MB21D2: variants seen among roughly 807,000 people sequenced by gnomAD.
MB21D2 encodes the protein Mab-21 domain containing 2.
A neutral mutation model predicts 33.3 loss-of-function variants in MB21D2; 9 were observed. The observed-to-expected ratio is 0.27, with a 90% CI of 0.16 to 0.47. The LOEUF (loss-of-function observed/expected upper bound fraction) is 0.47. MB21D2 is among the 20% of genes least tolerant of loss of function. The probability of loss-of-function intolerance (pLI) is 0.99; values close to 1 mark genes in which losing one functional copy is unlikely to be tolerated. For missense variants in MB21D2, 540 were observed against 624.6 expected, an observed-to-expected ratio of 0.86 and a Z score of 1.44; for synonymous variants, 241 against 236.3, an observed-to-expected ratio of 1.02 and a Z score of -0.18.
At chr3:192,863,111 T>C (rs1045002260) in intron 1 of MB21D2, among the ~76,000 whole-genome samples, 6 of 152,210 alleles carry the variant, frequency 3.9e-5, no homozygotes, top group African/African-American at 7.2e-5. Context: ...TTCCAAACCA[T>C]AGCAATCATT....
intron 1 of MB21D2, among the ~76,000 whole-genome samples, chr3:192,882,148 G>A (rs189427461): frequency 1.1e-4 from 17 of 151,940 alleles, no homozygotes; most frequent in African/African-American, 3.9e-4. Context: ...TTTTTTAGAC[G>A]GAGTTTCACT....
intron 1 of MB21D2, among the ~76,000 whole-genome samples, chr3:192,913,359 C>T (rs1178366336): frequency 6.6e-6 from 1 of 152,186 alleles, no homozygotes; most frequent in African/African-American, 2.4e-5. Flanking sequence ...GACTGTACCA[C>T]TGCACTCTAG....
In MB21D2 at chr3:192,897,370, G is replaced by A. The variant is rs558234385; in HGVS notation, c.211+20260C>T. ...CTGCTCACAAGCCTCTGTGGAGACTGACAGGAGGCCCCACTAACCAAGGGT... is the reference window on the plus strand; with the variant it reads ...CTGCTCACAAGCCTCTGTGGAGACTAACAGGAGGCCCCACTAACCAAGGGT... On this transcript the variant is annotated intron_variant, in intron 1 of 1. Coordinates refer to ENST00000392452, the MANE Select transcript of MB21D2 (RefSeq NM_178496.4). Among the ~76,000 whole-genome samples the A allele has an allele frequency of 2.0e-5, 3 of 152,294 alleles. No homozygotes were observed. In the East Asian group the frequency reaches 5.8e-4, roughly 29 times the overall value.
intron 1 of MB21D2, among the ~76,000 whole-genome samples, chr3:192,899,168 G>A (rs141493935): frequency 5.1e-4 from 78 of 152,332 alleles, no homozygotes; most frequent in African/African-American, 1.8e-3. Flanking sequence ...AACGGAAGTG[G>A]TTATAGGAGA....
chr3:192,811,130 T>C (rs1023126251), intron 1 of MB21D2, among the ~76,000 whole-genome samples: 1 of 152,234 alleles, frequency 6.6e-6, no homozygotes, highest in African/African-American at 2.4e-5. Context: ...TGTCAACCAC[T>C]GGGGCAGAAT....
chr3:192,895,171 C>A (rs1254925498), intron 1 of MB21D2, among the ~76,000 whole-genome samples: 3 of 152,246 alleles, frequency 2.0e-5, no homozygotes, highest in Admixed American at 1.3e-4. Flanking sequence ...TTTCTTAATA[C>A]CATTCCTTCT....
At chr3:192,895,276 A>G (rs1045537760) in intron 1 of MB21D2, among the ~76,000 whole-genome samples, 1 of 152,176 alleles carries the variant, frequency 6.6e-6, no homozygotes, top group African/African-American at 2.4e-5. Flanking sequence ...TAAATCTCAC[A>G]TGCAGACTTT....
intron 1 of MB21D2, among the ~76,000 whole-genome samples, chr3:192,823,472 G>A (rs1026516238): frequency 5.9e-5 from 9 of 152,160 alleles, no homozygotes; most frequent in East Asian, 3.9e-4. Context: ...TGACCAACAC[G>A]GAGAAACCCC....
chr3:192,870,735 G>GGAAT, intron 1 of MB21D2, among the ~76,000 whole-genome samples: 1 of 133,478 alleles, frequency 7.5e-6, no homozygotes, highest in African/African-American at 3.0e-5. Flanking sequence ...GAGAGAAGAA[G>GGAAT]GAAGGAAGGA....
rs1712745317 is a variant in MB21D2, at chr3:192,849,381, G to A, written c.212-49731C>T. On this transcript the variant is annotated intron_variant, in intron 1 of 1. Transcript: ENST00000392452. Reference sequence around the variant, plus strand: ...TGCCCAGGCTGGCGTGCAGTGGCGCGATCTCGGCTCACTGCAACCTCCGCC... The same window carrying A: ...TGCCCAGGCTGGCGTGCAGTGGCGCAATCTCGGCTCACTGCAACCTCCGCC... Among the ~76,000 whole-genome samples, 3 of 151,342 alleles carry A rather than the reference G, an allele frequency of 2.0e-5. No homozygotes were observed. The East Asian group carries it at 5.9e-4, about 30-fold the overall frequency.
At chr3:192,905,478 A>G (rs1338824805) in intron 1 of MB21D2, among the ~76,000 whole-genome samples, 3 of 151,792 alleles carry the variant, frequency 2.0e-5, no homozygotes, top group Admixed American at 6.6e-5. Flanking sequence ...CTATACTAAA[A>G]ATACAATAAT....
chr3:192,908,323 G>A (rs1714255393), intron 1 of MB21D2, among the ~76,000 whole-genome samples: 2 of 151,946 alleles, frequency 1.3e-5, no homozygotes, highest in Non-Finnish European at 2.9e-5. Flanking sequence ...ATTCTTTAAA[G>A]CATGGGAAAG....
intron 1 of MB21D2, among the ~76,000 whole-genome samples, chr3:192,837,361 T>C (rs965370044): frequency 1.3e-5 from 2 of 152,136 alleles, no homozygotes; most frequent in Non-Finnish European, 2.9e-5. Context: ...CACTGGAACA[T>C]GTCTCCGTCT....
chr3:192,807,283 T>C (rs1010096567), intron 1 of MB21D2, among the ~76,000 whole-genome samples: 17 of 149,260 alleles, frequency 1.1e-4, no homozygotes, highest in Admixed American at 8.0e-4. Flanking sequence ...AGTTACAGAC[T>C]GACAATTTAC....
intron 1 of MB21D2, among the ~76,000 whole-genome samples, chr3:192,857,864 C>G (rs1286375354): frequency 1.3e-5 from 2 of 152,158 alleles, no homozygotes. Context: ...GTGGCTCACA[C>G]CTGTAATCCC....
At chr3:192,871,497 G>A (rs1560245519) in intron 1 of MB21D2, among the ~76,000 whole-genome samples, 1 of 152,176 alleles carries the variant, frequency 6.6e-6, no homozygotes. Flanking sequence ...GTTCTATAAA[G>A]AAGAGCTGAT....
chr3:192,861,528 C>T (rs2108633964), intron 1 of MB21D2, among the ~76,000 whole-genome samples: 1 of 152,274 alleles, frequency 6.6e-6, no homozygotes, highest in East Asian at 1.9e-4. Flanking sequence ...CATTTCGGGC[C>T]AGGTGCGGTG....
At chr3:192,909,200 G>A (rs1055452922) in intron 1 of MB21D2, among the ~76,000 whole-genome samples, 2 of 151,232 alleles carry the variant, frequency 1.3e-5, no homozygotes, top group African/African-American at 4.9e-5. Context: ...AGCTTGCAGT[G>A]AGCCGAGATC....
intron 1 of MB21D2, among the ~76,000 whole-genome samples, chr3:192,816,216 T>A (rs1711919734): frequency 8.8e-6 from 1 of 113,478 alleles, no homozygotes; most frequent in African/African-American, 4.4e-5. Flanking sequence ...AGGACAATTT[T>A]TTTTTTTAAA....
Sources: allele counts gnomAD v4.1 joint callset (sites outside exome capture counted in the v4.1 genomes callset), GRCh38; gene constraint gnomAD v4.1.1; transcripts MANE v1.5; gene names NCBI Gene and HGNC (gene_info 2026-07-23, HGNC 2026-07-21).